The following DRC1 variants were observed in gnomAD, a reference collection of about 807,000 sequenced individuals.
The protein encoded by DRC1 is dynein regulatory complex subunit 1, also known as dynein regulatory complex protein 1.
In DRC1, 74 loss-of-function variants were observed where a neutral mutation model predicts 98.7. The observed-to-expected ratio is 0.75, with a 90% CI of 0.62 to 0.91. DRC1 has a LOEUF of 0.91. Among genes scored for constraint, DRC1 ranks in the 40% least tolerant of loss-of-function variants. The pLI is 0.00. For synonymous variants in DRC1, 336 were observed against 334.1 expected, an observed-to-expected ratio of 1.01 and a Z score of -0.06; for missense variants, 875 against 886.0, an observed-to-expected ratio of 0.99 and a Z score of 0.16.
chr2:26,446,942 A>C (rs1429598087), intron 10 of DRC1, among the ~76,000 whole-genome samples: 6 of 151,980 alleles, frequency 3.9e-5, no homozygotes. Flanking sequence ...AAATACAAAA[A>C]ATTAGCCGGT....
chr2:26,403,458 T>C (rs1392262381), intron 1 of DRC1, among the ~76,000 whole-genome samples: 1 of 152,216 alleles, frequency 6.6e-6, no homozygotes, highest in Non-Finnish European at 1.5e-5. Context: ...ACCATTTATT[T>C]ATTAACCATT....
At chr2:26,443,469 C>T (rs1663769677) in intron 8 of DRC1, among the ~76,000 whole-genome samples, 1 of 152,176 alleles carries the variant, frequency 6.6e-6, no homozygotes, top group Non-Finnish European at 1.5e-5. Flanking sequence ...TGGACCACCC[C>T]CTCCCCTGCA....
chr2:26,402,222 A>T (rs1678269512), intron 1 of DRC1, 78 bp downstream of exon 1: 2 of 1,463,896 alleles, frequency 1.4e-6, no homozygotes, highest in Non-Finnish European at 1.8e-6. Flanking sequence ...AAATAGAAAC[A>T]TTTCTTCGGG....
At position 26,456,458 on chromosome 2, in the gene DRC1, C is replaced by G. The variant is rs1244091484; in HGVS notation, c.2167-3C>G. The stretch of plus-strand genomic sequence containing the variant: ...GTAACGACTTTCACCCTTTCTTTTC[C>G]AGATCAACTCTGAACTGCAAGTTCC... On this transcript the variant is annotated splice_region_variant and splice_polypyrimidine_tract_variant and intron_variant, in intron 16 of 16. Coordinates refer to ENST00000288710, the MANE Select transcript of DRC1 (RefSeq NM_145038.5). 6.2e-7 allele frequency: 1 copy of G among 1,614,074 alleles called. No individual in the cohort carries two copies. Among genetic ancestry groups the G allele is most frequent in the Non-Finnish European group, 8.5e-7 (1 of 1,179,950 alleles).
At chr2:26,430,929 A>C (rs1000070071) in intron 6 of DRC1, 57 bp downstream of exon 6, 15 of 1,171,502 alleles carry the variant, frequency 1.3e-5, no homozygotes, top group Middle Eastern at 2.2e-4. Flanking sequence ...TTTTATTGTG[A>C]CTGAATTTGC....
intron 7 of DRC1, among the ~76,000 whole-genome samples, chr2:26,432,420 G>A (rs1214138196): frequency 6.6e-6 from 1 of 151,964 alleles, no homozygotes; most frequent in Admixed American, 6.6e-5. Flanking sequence ...GGTCACTTGA[G>A]CCCAGGAGTT....
In DRC1 at chr2:26,454,752, C is replaced by A; in HGVS notation, c.2025C>A (p.Asn675Lys). The A allele has an allele frequency of 6.2e-7, 1 of 1,614,148 alleles. No individual in the cohort carries two copies. The highest frequency in any genetic ancestry group is 8.5e-7 in the Non-Finnish European group (1 of 1,180,032). Residue 675 changes from asparagine (N) to lysine (K), a missense_variant, in exon 15 of 17, where the codon AAC (asparagine) becomes AAA (lysine). Coordinates refer to ENST00000288710, the MANE Select transcript of DRC1 (RefSeq NM_145038.5). The surrounding 1 kb of genome is among the most constrained non-coding windows in gnomAD (Gnocchi z 5.2). Reference protein sequence around the residue: ...LTTVIPSSKQNLWDALYTALE... With the variant: ...LTTVIPSSKQKLWDALYTALE... Reference sequence around the variant, plus strand: ...CAGTGATCCCTTCCTCCAAGCAGAACCTCTGGGATGCCCTCTACACAGCCT... The same window carrying A: ...CAGTGATCCCTTCCTCCAAGCAGAAACTCTGGGATGCCCTCTACACAGCCT...
intron 7 of DRC1, among the ~76,000 whole-genome samples, chr2:26,432,605 A>AAAAG (rs10671513): frequency 0.88 from 133,164 of 151,288 alleles, 59,563 homozygotes; most frequent in Non-Finnish European, 0.92. Flanking sequence ...GAAAGAAAAA[A>AAAAG]AAAGAAAGGA....
At chr2:26,448,839 C>A (rs766120707) in intron 11 of DRC1, 36 bp downstream of exon 11, 2 of 1,602,592 alleles carry the variant, frequency 1.2e-6, no homozygotes, top group African/African-American at 2.7e-5. Context: ...GAGGGACTCA[C>A]GGGGGTGTGC....
At chr2:26,418,812 TGTATA>T (rs948617361) in intron 2 of DRC1, among the ~76,000 whole-genome samples, 1 of 134,560 alleles carries the variant, frequency 7.4e-6, no homozygotes, top group African/African-American at 2.8e-5. Flanking sequence ...TATAATATAT[TGTATA>T]GTATATATAA....
At chr2:26,403,464 CCATTTAGAATTGTAAAAAT>C (rs1435229236) in intron 1 of DRC1, among the ~76,000 whole-genome samples, 1 of 152,112 alleles carries the variant, frequency 6.6e-6, no homozygotes, top group Non-Finnish European at 1.5e-5. Flanking sequence ...TATTTATTAA[CCATTTAGAATTGTAAAAAT>C]CATTTAAAAT....
intron 13 of DRC1, 57 bp downstream of exon 13, chr2:26,450,738 A>G (rs1663983478): frequency 1.5e-6 from 2 of 1,332,444 alleles, no homozygotes; most frequent in Middle Eastern, 2.6e-4. Context: ...TTATTTATTT[A>G]TTTTATTATA....
intron 7 of DRC1, among the ~76,000 whole-genome samples, chr2:26,434,592 A>G (rs1228713321): frequency 6.6e-6 from 1 of 152,220 alleles, no homozygotes; most frequent in Non-Finnish European, 1.5e-5. Flanking sequence ...CTTATAATCT[A>G]TTAAGAAAGC....
In DRC1 at chr2:26,431,903, G is replaced by A. The variant is rs756078948; in HGVS notation, c.785G>A (p.Arg262His). 17 of 1,613,734 alleles carry A rather than the reference G, an allele frequency of 1.1e-5. No individual in the cohort carries two copies. Among genetic ancestry groups the A allele is most frequent in the African/African-American group, 2.7e-5 (2 of 74,896 alleles). ...NAKELEYLNNRMKKVEDYEKQ... is the reference protein window; with the variant it reads ...NAKELEYLNNHMKKVEDYEKQ... ...CTTTAGCTGGAGTATCTTAACAACC[G>A]CATGAAGAAAGTAGAGGACTATGAG... is the stretch of plus-strand genomic sequence containing the variant. The change falls in exon 7 of 17, where the codon CGC becomes CAC. Residue 262 changes from arginine (R) to histidine (H), a missense_variant. Transcript: ENST00000288710.
intron 7 of DRC1, among the ~76,000 whole-genome samples, chr2:26,433,341 TC>T (rs908972257): frequency 6.6e-6 from 1 of 152,230 alleles, no homozygotes; most frequent in Non-Finnish European, 1.5e-5. Context: ...TCAGTTCTTT[TC>T]CTGTTACTTG....
intron 10 of DRC1, among the ~76,000 whole-genome samples, chr2:26,445,499 T>TA (rs1406358464): frequency 1.3e-5 from 2 of 152,190 alleles, no homozygotes; most frequent in Non-Finnish European, 2.9e-5. Context: ...AATGAGTTTT[T>TA]AAAAAATATT....
At chr2:26,446,167 G>A (rs939138765) in intron 10 of DRC1, among the ~76,000 whole-genome samples, 1 of 149,204 alleles carries the variant, frequency 6.7e-6, no homozygotes, top group Non-Finnish European at 1.5e-5. Context: ...TGGGATCTCG[G>A]CTCACTGCAA....
chr2:26,434,313 T>A (rs188437881), intron 7 of DRC1, among the ~76,000 whole-genome samples: 1 of 152,302 alleles, frequency 6.6e-6, no homozygotes, highest in Non-Finnish European at 1.5e-5. Context: ...CATTGTGTAC[T>A]TAGGGGGAAA....
chr2:26,415,654 G>A (rs1056506312), intron 2 of DRC1, among the ~76,000 whole-genome samples: 8 of 152,072 alleles, frequency 5.3e-5, no homozygotes, highest in African/African-American at 1.7e-4. Context: ...GAGCTCAGCC[G>A]GGCGCGGTGG....
Sources: gnomAD v4.1 joint callset for allele counts (sites outside exome capture counted in the v4.1 genomes callset) on GRCh38, gnomAD v4.1.1 for gene constraint, Gnocchi (gnomAD v3.1) non-coding constraint, MANE v1.5 for transcripts, NCBI Gene and HGNC (gene_info 2026-07-23, HGNC 2026-07-21) for gene names.